Variants in FMN1 observed in about 807,000 individuals in gnomAD.
FMN1 encodes formin 1.
FMN1 carries 110 observed loss-of-function variants against 132.4 expected under a neutral mutation model. That is an observed-to-expected ratio of 0.83 (90% CI 0.71 to 0.97). The LOEUF (loss-of-function observed/expected upper bound fraction) is 0.97. Among genes scored for constraint, FMN1 ranks in the 50% least tolerant of loss-of-function variants. The pLI, the probability that FMN1 is intolerant of heterozygous loss-of-function variation, is 0.00. For synonymous variants in FMN1, 722 were observed against 651.7 expected (o/e 1.11, Z -1.64); for missense variants, 1,792 against 1,705.3 (o/e 1.05, Z -0.90).
In FMN1 at chr15:32,968,500, T is replaced by C. The variant is rs2956146; in HGVS notation, c.2987+214A>G. Among the ~76,000 whole-genome samples the C allele has an allele frequency of 0.52, 78,611 of 151,832 alleles. 22,244 individuals are homozygous for C. The highest frequency in any genetic ancestry group is 0.77 in the East Asian group (3,937 of 5,114). ...GAAAAAAATCTGACACTGAAACACATGGTTTCTCCCAGCATCTTCAGAGAA... is the reference window on the plus strand; with the variant it reads ...GAAAAAAATCTGACACTGAAACACACGGTTTCTCCCAGCATCTTCAGAGAA... On this transcript the variant is annotated intron_variant, in intron 8 of 20. Transcript: ENST00000616417.
At chr15:32,954,558 G>A (rs988329861) in intron 9 of FMN1, among the ~76,000 whole-genome samples, 56 of 152,230 alleles carry the variant, frequency 3.7e-4, no homozygotes, top group African/African-American at 1.3e-3. Flanking sequence ...TTTGGTTAGG[G>A]TCAGAGTCAG....
chr15:33,161,436 C>T (rs1184222207), intron 3 of FMN1, among the ~76,000 whole-genome samples: 3 of 152,194 alleles, frequency 2.0e-5, no homozygotes, highest in Non-Finnish European at 2.9e-5. Flanking sequence ...CCACGCTCCT[C>T]TGGGGTAGTT....
intron 17 of FMN1, among the ~76,000 whole-genome samples, chr15:32,806,339 G>A (rs2057680208): frequency 1.3e-5 from 2 of 152,118 alleles, no homozygotes; most frequent in Admixed American, 1.3e-4. Flanking sequence ...CTTAGTTATT[G>A]CCTCATCTGT....
intron 5 of FMN1, among the ~76,000 whole-genome samples, chr15:33,082,067 C>T (rs1006472336): frequency 7.4e-6 from 1 of 135,070 alleles, no homozygotes; most frequent in African/African-American, 3.3e-5. Context: ...GACGGAGTCT[C>T]GCTTTGTCAC....
rs767805803 is a variant in FMN1 at position 32,828,232 on chromosome 15, C to T, written c.3929-23900G>A. 2.6e-5 allele frequency among the ~76,000 whole-genome samples: 4 copies of T among 152,290 alleles called. 1 individual carries two copies. The highest frequency in any genetic ancestry group is 2.6e-4 in the Admixed American group (4 of 15,304). ...GAGGTTGCAGTGAGCCCAGATTGCA[C>T]CACTGCACTCCAGCCTGGGCAACAG... On this transcript the variant is annotated intron_variant, in intron 17 of 20. Transcript: ENST00000616417.
At chr15:33,152,759 G>A (rs187354047) in intron 4 of FMN1, among the ~76,000 whole-genome samples, 10 of 100,720 alleles carry the variant, frequency 9.9e-5, no homozygotes, top group African/African-American at 2.8e-4. Flanking sequence ...TCACTGTTAC[G>A]CAACCACAGA....
At chr15:32,834,153 G>A (rs896506) in intron 17 of FMN1, among the ~76,000 whole-genome samples, 4 of 152,128 alleles carry the variant, frequency 2.6e-5, no homozygotes, top group African/African-American at 9.7e-5. Flanking sequence ...TAAATTCTTG[G>A]ATGGTAAACT....
At chr15:33,065,977 C>T (rs1231313475) in intron 5 of FMN1, among the ~76,000 whole-genome samples, 1 of 152,122 alleles carries the variant, frequency 6.6e-6, no homozygotes, top group Non-Finnish European at 1.5e-5. Context: ...ATCAAGGTTA[C>T]CCAGCCAGTA....
intron 6 of FMN1, among the ~76,000 whole-genome samples, chr15:33,034,815 G>T (rs1306460898): frequency 1.3e-5 from 2 of 152,010 alleles, no homozygotes; most frequent in Non-Finnish European, 2.9e-5. Context: ...CACCCCCTGT[G>T]CCCTCAATCT....
At chr15:33,152,800 A>AAAAAAAAAAAG (rs1333581285) in intron 4 of FMN1, among the ~76,000 whole-genome samples, 1 of 151,114 alleles carries the variant, frequency 6.6e-6, no homozygotes, top group Non-Finnish European at 1.5e-5. Flanking sequence ...AAAAAAAAAA[A>AAAAAAAAAAAG]AAAGAAAGAA....
At chr15:33,012,310 C>T (rs2034774590) in intron 6 of FMN1, 4 of 775,320 alleles carry the variant, frequency 5.2e-6, no homozygotes, top group Admixed American at 5.1e-5. Context: ...CATATGCCAC[C>T]GTGGAGGAGG....
At position 32,888,159 on chromosome 15, in the gene FMN1, C is replaced by G. The variant is rs1182231546; in HGVS notation, c.3835+13G>C. 1 of 1,596,732 alleles carries G rather than the reference C, an allele frequency of 6.3e-7. No individual in the cohort carries two copies. Among genetic ancestry groups the G allele is most frequent in the African/African-American group, 1.4e-5 (1 of 74,034 alleles). On this transcript the variant is annotated intron_variant, in intron 16 of 20. Coordinates refer to ENST00000616417, the MANE Select transcript of FMN1 (RefSeq NM_001277313.2). ...CTTAGCTATTATCATAATAGCAGAA[C>G]AGTTCCTATTACCTTCTAGTTGCCT...
intron 6 of FMN1, among the ~76,000 whole-genome samples, chr15:33,014,863 C>T (rs144136350): frequency 6.6e-6 from 1 of 152,156 alleles, no homozygotes; most frequent in Non-Finnish European, 1.5e-5. Flanking sequence ...ATGCAGTAAC[C>T]ACTGCTGAAG....
At chr15:32,959,030 T>G (rs1359686617) in intron 9 of FMN1, among the ~76,000 whole-genome samples, 2 of 125,460 alleles carry the variant, frequency 1.6e-5, no homozygotes, top group African/African-American at 6.6e-5. Context: ...GCGACAACAG[T>G]GAAACACTGT....
At chr15:32,864,903 C>T (rs954642777) in intron 16 of FMN1, among the ~76,000 whole-genome samples, 37 of 152,272 alleles carry the variant, frequency 2.4e-4, no homozygotes, top group African/African-American at 8.9e-4. Context: ...ACTTTATACA[C>T]AGAATGAAAT....
intron 4 of FMN1, among the ~76,000 whole-genome samples, chr15:33,113,340 A>G (rs977018510): frequency 2.6e-5 from 4 of 152,162 alleles, no homozygotes; most frequent in Non-Finnish European, 5.9e-5. Flanking sequence ...CAAAATTTGA[A>G]TTATCTATTG....
chr15:33,048,288 T>C (rs2036784277), intron 6 of FMN1, among the ~76,000 whole-genome samples: 1 of 152,152 alleles, frequency 6.6e-6, no homozygotes, highest in African/African-American at 2.4e-5. Flanking sequence ...GAATTAGCCA[T>C]ATCCCTTAGC....
chr15:32,894,027 T>G (rs908464405), intron 15 of FMN1, among the ~76,000 whole-genome samples: 2 of 152,214 alleles, frequency 1.3e-5, no homozygotes, highest in Non-Finnish European at 2.9e-5. Flanking sequence ...CGCTGCTGCT[T>G]CTTAATTTCC....
intron 7 of FMN1, among the ~76,000 whole-genome samples, chr15:33,007,709 T>G: frequency 6.6e-6 from 1 of 152,230 alleles, no homozygotes. Context: ...AAAAAAAAAC[T>G]TCTACTATAT....
Sources: gnomAD v4.1 joint callset for allele counts (sites outside exome capture counted in the v4.1 genomes callset) on GRCh38, gnomAD v4.1.1 for gene constraint, MANE v1.5 for transcripts, NCBI Gene and HGNC (gene_info 2026-07-23, HGNC 2026-07-21) for gene names.